The following SLC13A5 variants were observed in gnomAD, a reference collection of about 807,000 sequenced individuals.
SLC13A5 encodes Na(+)/citrate cotransporter.
A neutral mutation model predicts 56.5 loss-of-function variants in SLC13A5; 25 were observed. The ratio of observed to expected loss-of-function variants is 0.44; its 90% CI spans 0.32 to 0.62. SLC13A5 has a LOEUF of 0.62. SLC13A5 is among the 20% of genes least tolerant of loss of function. The pLI, the probability that SLC13A5 is intolerant of heterozygous loss-of-function variation, is 0.04. For missense variants in SLC13A5, 649 were observed against 737.8 expected, an observed-to-expected ratio of 0.88 and a Z score of 1.39; for synonymous variants, 307 against 301.5, an observed-to-expected ratio of 1.02 and a Z score of -0.19.
rs532691434 is a variant in SLC13A5 at position 6,692,936 on chromosome 17, G to A, written c.1275+108C>T. 5.9e-6 allele frequency: 5 copies of A among 841,554 alleles called. No homozygotes were observed. Among genetic ancestry groups the A allele is most frequent in the African/African-American group, 1.7e-5 (1 of 59,468 alleles). The allele number at this position is 841,554 out of a possible 1,614,324, so 52.1% of individuals were successfully genotyped here. ...GTCCTCAAGGAATGTGCGGTTATAC[G>A]AAGGATGCAGGCACAGAAACACACA... On this transcript the variant is annotated intron_variant, in intron 9 of 11. Transcript: ENST00000433363. The surrounding 1 kb of genome is among the most constrained non-coding windows in gnomAD (Gnocchi z 5.5).
chr17:6,690,652 G>T, intron 10 of SLC13A5, 127 bp downstream of exon 10: 1 of 1,320,428 alleles, frequency 7.6e-7, no homozygotes, highest in Non-Finnish European at 1.1e-6. Context: ...CCACGTCACA[G>T]TCAGACCTGG....
Position 6,713,213 on chromosome 17 carries a change from G to A in SLC13A5, c.102+19C>T, listed in dbSNP as rs1434528761. On this transcript the variant is annotated intron_variant, in intron 1 of 11. Transcript: ENST00000433363. The surrounding 1 kb of genome is among the most constrained non-coding windows in gnomAD (Gnocchi z 7.3). ...CAGGACGCCGGGTGTCCGAAGGGCT[G>A]CCTGGAGATGCAACTGACCTTGGCG... 6.2e-7 allele frequency: 1 copy of A among 1,611,814 alleles called. No homozygotes were observed. The highest frequency in any genetic ancestry group is 1.7e-5 in the Admixed American group (1 of 59,958).
Position 6,695,561 on chromosome 17 carries a change from C to A in SLC13A5, c.1055+165G>T, listed in dbSNP as rs1597662712. ...TGTGCCACCATGCCTCGCTAATTTT[C>A]TGTATTTTTAGTAGAGACAGGGTTT... On this transcript the variant is annotated intron_variant, in intron 7 of 11. Transcript: ENST00000433363. 6 of 628,244 alleles carry A rather than the reference C, an allele frequency of 9.6e-6. 1 individual carries two copies. In the East Asian group the frequency reaches 1.7e-4, roughly 18 times the overall value. The allele number at this position is 628,244 out of a possible 1,614,324, so 38.9% of individuals were successfully genotyped here. A position where few individuals can be genotyped will look rare whatever the true frequency, so the allele number is the denominator to read the frequency against.
rs527603050 is a variant in SLC13A5 at position 6,709,533 on chromosome 17, G to C, written c.103-2377C>G. On this transcript the variant is annotated intron_variant, in intron 1 of 11. Coordinates refer to ENST00000433363, the MANE Select transcript of SLC13A5 (RefSeq NM_177550.5). ...TCCACCTGTCTCGGCCTCCCAAAGT[G>C]CTGGGATTACAGGCATGAGCCACTG... is the stretch of plus-strand genomic sequence containing the variant. Among the ~76,000 whole-genome samples, 330 of 152,258 alleles carry C rather than the reference G, an allele frequency of 2.2e-3. 2 individuals carry two copies. The highest frequency in any genetic ancestry group is 0.017 in the South Asian group (80 of 4,822).
At chr17:6,703,503 G>A (rs917318989) in intron 4 of SLC13A5, among the ~76,000 whole-genome samples, 1 of 152,230 alleles carries the variant, frequency 6.6e-6, no homozygotes, top group Admixed American at 6.5e-5. Flanking sequence ...GGAGCAGAGA[G>A]TGGAAGGATT....
chr17:6,690,087 A>AAAAAAAAAC (rs1421433357), intron 10 of SLC13A5: 3 of 136,370 alleles, frequency 2.2e-5, no homozygotes, highest in Admixed American at 7.2e-5. Flanking sequence ...AAAAAAAAAA[A>AAAAAAAAAC]AAAAAAAACC....
In SLC13A5 at chr17:6,703,043, C is replaced by A. The variant is rs1271011718; in HGVS notation, c.643G>T (p.Ala215Ser). Residue 215 changes from alanine to serine, a missense_variant, in exon 5 of 12, where the codon GCG (alanine) becomes TCG (serine). Physicochemically the swap from Ala to Ser is moderately conservative, Grantham distance 99 (BLOSUM62 1). Coordinates refer to ENST00000433363, the MANE Select transcript of SLC13A5 (RefSeq NM_177550.5). ...CKAMTLCICY[A>S]ASIGGTATLT... ...GTGGCGGTGCCCCCGATGCTGGCCGCGTAGCAGATGCACAGGGTCATGGCC... is the reference window on the plus strand; with the variant it reads ...GTGGCGGTGCCCCCGATGCTGGCCGAGTAGCAGATGCACAGGGTCATGGCC... 3 of 1,614,104 alleles carry A rather than the reference C, an allele frequency of 1.9e-6. No homozygotes were observed. Among genetic ancestry groups the A allele is most frequent in the African/African-American group, 1.3e-5 (1 of 74,948 alleles).
intron 1 of SLC13A5, among the ~76,000 whole-genome samples, chr17:6,709,352 C>T (rs1973957455): frequency 6.6e-6 from 1 of 152,100 alleles, no homozygotes; most frequent in Admixed American, 6.6e-5. Context: ...TCACTGCAGC[C>T]TCTACCTCCC....
At chr17:6,708,076 G>A (rs1195447215) in intron 1 of SLC13A5, among the ~76,000 whole-genome samples, 2 of 152,134 alleles carry the variant, frequency 1.3e-5, no homozygotes, top group African/African-American at 2.4e-5. Context: ...GGGTTCAAGC[G>A]ATTCTCCTGC....
chr17:6,702,091 C>T (rs1427080673), intron 5 of SLC13A5, among the ~76,000 whole-genome samples: 2 of 152,194 alleles, frequency 1.3e-5, no homozygotes, highest in Non-Finnish European at 2.9e-5. Flanking sequence ...TGTTGAACCT[C>T]ACGTTTCTGC....
rs548065551 is a variant in SLC13A5 at position 6,690,936 on chromosome 17, G to A, written c.1280C>T (p.Ser427Leu). Reference sequence around the variant, plus strand: ...CTTCCCCATCCACACGGACAGCCCCGAGGCCTGGGAAGCACCAGGAGGGCA... The same window carrying A: ...CTTCCCCATCCACACGGACAGCCCCAAGGCCTGGGAAGCACCAGGAGGGCA... ...GFALAKGSEA[S>L]GLSVWMGKQM... Residue 427 changes from serine (S) to leucine (L), a missense_variant, in exon 10 of 12, where the codon TCG becomes TTG. Coordinates refer to ENST00000433363, the MANE Select transcript of SLC13A5 (RefSeq NM_177550.5). The A allele has an allele frequency of 8.7e-6, 14 of 1,602,952 alleles. No individual in the cohort carries two copies. Among genetic ancestry groups the A allele is most frequent in the Non-Finnish European group, 1.2e-5 (14 of 1,173,048 alleles).
intron 3 of SLC13A5, chr17:6,704,607 T>A (rs1381047933): frequency 3.9e-6 from 1 of 254,508 alleles, no homozygotes; most frequent in Admixed American, 4.5e-5. Flanking sequence ...CGGCTGCCAC[T>A]CCAACCCTGC....
In SLC13A5 at chr17:6,701,701, C is replaced by T. The variant is rs905592541; in HGVS notation, c.717-575G>A. 6.6e-6 allele frequency among the ~76,000 whole-genome samples: 1 copy of T among 152,170 alleles called. No individual in the cohort carries two copies. Among genetic ancestry groups the T allele is most frequent in the Admixed American group, 6.5e-5 (1 of 15,274 alleles). On this transcript the variant is annotated intron_variant, in intron 5 of 11. Coordinates refer to ENST00000433363, the MANE Select transcript of SLC13A5 (RefSeq NM_177550.5). This position sits in a 1 kb window ranked among gnomAD's most constrained non-coding sequence, Gnocchi z 4.1. Reference sequence around the variant, plus strand: ...CTCCAGCCTGGGCGACAGAGCGAGACTTGTCTCAAAAAGAAAAAAAAGAAA... The same window carrying T: ...CTCCAGCCTGGGCGACAGAGCGAGATTTGTCTCAAAAAGAAAAAAAAGAAA...
chr17:6,704,426 A>G, intron 3 of SLC13A5: 1 of 380,012 alleles, frequency 2.6e-6, no homozygotes, highest in South Asian at 2.0e-5. Flanking sequence ...AGCTTGCCCT[A>G]GGGTGTGCTG....
intron 10 of SLC13A5, among the ~76,000 whole-genome samples, chr17:6,690,409 C>T (rs1038862508): frequency 2.0e-5 from 3 of 152,352 alleles, no homozygotes; most frequent in South Asian, 2.1e-4. Flanking sequence ...AGTGGTGCTC[C>T]CAGTCTGCAG....
At chr17:6,709,463 T>C (rs915168775) in intron 1 of SLC13A5, among the ~76,000 whole-genome samples, 1 of 152,068 alleles carries the variant, frequency 6.6e-6, no homozygotes, top group Non-Finnish European at 1.5e-5. Context: ...AGAGAGGGGA[T>C]TTCACCATGT....
chr17:6,695,907 TG>T lies in SLC13A5; in HGVS notation c.873del (p.Ser291ArgfsTer30), dbSNP rs1191513925. On this transcript the variant is annotated frameshift_variant, in exon 7 of 12. Transcript: ENST00000433363. LOFTEE classifies it high-confidence loss of function. ...TTGAGGGCAGCCTTCTCGTTTTTCT[TG>T]CTCTCTAGCCCGCAGCCCCAGGACT... ...FKKSWGCGLE[S>X]KKNEKAALKV... The T allele has an allele frequency of 3.1e-6, 5 of 1,613,962 alleles. No homozygotes were observed. The highest frequency in any genetic ancestry group is 4.2e-6 in the Non-Finnish European group (5 of 1,180,042).
chr17:6,698,931 A>G (rs1322495525), intron 6 of SLC13A5, among the ~76,000 whole-genome samples: 3 of 151,682 alleles, frequency 2.0e-5, no homozygotes, highest in Non-Finnish European at 4.4e-5. Flanking sequence ...AATTCCAGCT[A>G]CTTGGGAGGC....
intron 5 of SLC13A5, among the ~76,000 whole-genome samples, chr17:6,702,132 C>T (rs1189639948): frequency 1.3e-5 from 2 of 152,210 alleles, no homozygotes; most frequent in African/African-American, 4.8e-5. Context: ...TCCTTTCCAC[C>T]TCCCAGCTCC....
Sources: gnomAD v4.1 joint callset for allele counts (sites outside exome capture counted in the v4.1 genomes callset) on GRCh38, gnomAD v4.1.1 for gene constraint, Gnocchi (gnomAD v3.1) non-coding constraint, MANE v1.5 for transcripts, NCBI Gene and HGNC (gene_info 2026-07-23, HGNC 2026-07-21) for gene names.